Variants in RBMS3 observed in about 807,000 individuals in gnomAD.
RBMS3 encodes the protein RNA-binding motif, single-stranded-interacting protein 3.
A neutral mutation model predicts 66.8 loss-of-function variants in RBMS3; 27 were observed. That is an observed-to-expected ratio of 0.40 (90% CI 0.30 to 0.56). RBMS3 has a LOEUF of 0.56. Among genes scored for constraint, RBMS3 ranks in the 20% least tolerant of loss-of-function variants. The pLI, the probability that RBMS3 is intolerant of heterozygous loss-of-function variation, is 0.40. For synonymous variants in RBMS3, 188 were observed against 183.0 expected (o/e 1.03, Z -0.22); for missense variants, 513 against 549.5 (o/e 0.93, Z 0.66).
At chr3:29,600,433 A>T (rs2048104783) in intron 4 of RBMS3, among the ~76,000 whole-genome samples, 1 of 152,044 alleles carries the variant, frequency 6.6e-6, no homozygotes, top group Admixed American at 6.6e-5. Flanking sequence ...TTATCTTTGC[A>T]CAGTCTGGCT....
At chr3:29,365,084 G>A (rs1351745897) in intron 1 of RBMS3, among the ~76,000 whole-genome samples, 1 of 152,022 alleles carries the variant, frequency 6.6e-6, no homozygotes, top group Non-Finnish European at 1.5e-5. Context: ...ATTAGGATGT[G>A]ACTACAGGTT....
At chr3:29,940,922 T>C (rs1389527409) in intron 11 of RBMS3, among the ~76,000 whole-genome samples, 1 of 151,894 alleles carries the variant, frequency 6.6e-6, no homozygotes, top group Non-Finnish European at 1.5e-5. Context: ...CTTATCACTT[T>C]ATTGTAAGCT....
chr3:29,679,034 C>T (rs2149257606), intron 4 of RBMS3, among the ~76,000 whole-genome samples: 1 of 152,236 alleles, frequency 6.6e-6, no homozygotes, highest in East Asian at 1.9e-4. Flanking sequence ...GCAAGCACTG[C>T]TCCAGATAGT....
chr3:29,777,294 A>G (rs988097679), intron 6 of RBMS3, among the ~76,000 whole-genome samples: 1 of 151,816 alleles, frequency 6.6e-6, no homozygotes, highest in Non-Finnish European at 1.5e-5. Flanking sequence ...ATCTTATCCC[A>G]CTGGATGGCA....
intron 5 of RBMS3, among the ~76,000 whole-genome samples, chr3:29,740,567 T>C (rs2054591617): frequency 6.6e-6 from 1 of 152,214 alleles, no homozygotes; most frequent in South Asian, 2.1e-4. Context: ...GTACCTGCTG[T>C]GCTTTCATGA....
intron 4 of RBMS3, among the ~76,000 whole-genome samples, chr3:29,652,869 C>G (rs1327331707): frequency 1.3e-5 from 2 of 152,106 alleles, no homozygotes; most frequent in African/African-American, 4.8e-5. Context: ...AGGCTGACCT[C>G]TGAAGTTCAA....
chr3:29,537,027 T>C (rs2045579604), intron 3 of RBMS3, among the ~76,000 whole-genome samples: 1 of 152,254 alleles, frequency 6.6e-6, no homozygotes. Context: ...CTATCATGTG[T>C]GCTTTCTTTC....
chr3:29,337,292 T>C (rs1342854264), intron 1 of RBMS3, among the ~76,000 whole-genome samples: 1 of 152,092 alleles, frequency 6.6e-6, no homozygotes, highest in Non-Finnish European at 1.5e-5. Context: ...TTTCTATATG[T>C]TACCATATAG....
chr3:29,655,564 G>A (rs1277944584), intron 4 of RBMS3, among the ~76,000 whole-genome samples: 3 of 152,186 alleles, frequency 2.0e-5, no homozygotes, highest in Admixed American at 1.3e-4. Flanking sequence ...GCGTGATGAT[G>A]CTGGTATAAA....
Position 29,566,666 on chromosome 3 carries a change from G to A in RBMS3, c.308-20448G>A, listed in dbSNP as rs79952941. On this transcript the variant is annotated intron_variant, in intron 3 of 14. Coordinates refer to ENST00000383767, the MANE Select transcript of RBMS3 (RefSeq NM_001003793.3). The stretch of plus-strand genomic sequence containing the variant: ...AAAAAAAAAAAAAATTAGGGAAAAA[G>A]AGTATACATTGTGCGATTCAATTAA... Among the ~76,000 whole-genome samples the A allele has an allele frequency of 1.3e-3, 193 of 146,998 alleles. 2 individuals carry two copies. In the East Asian group the frequency reaches 0.033, roughly 25 times the overall value.
At chr3:29,485,370 T>C (rs1207649984) in intron 2 of RBMS3, among the ~76,000 whole-genome samples, 2 of 145,178 alleles carry the variant, frequency 1.4e-5, no homozygotes, top group Non-Finnish European at 3.0e-5. Context: ...GCTACTCTTT[T>C]AAAGCATACT....
chr3:29,943,388 A>G (rs942449437), intron 11 of RBMS3, among the ~76,000 whole-genome samples: 1 of 151,872 alleles, frequency 6.6e-6, no homozygotes, highest in African/African-American at 2.4e-5. Context: ...GGCCTATGCC[A>G]TATTCCAATC....
chr3:29,445,633 T>G (rs1396496174), intron 2 of RBMS3, among the ~76,000 whole-genome samples: 3 of 152,150 alleles, frequency 2.0e-5, no homozygotes, highest in African/African-American at 7.2e-5. Flanking sequence ...ACACAGAGCA[T>G]ATCTGTGTAT....
intron 5 of RBMS3, among the ~76,000 whole-genome samples, chr3:29,743,927 G>A (rs1268043280): frequency 1.7e-4 from 20 of 120,962 alleles, no homozygotes; most frequent in Non-Finnish European, 2.7e-4. Context: ...CCCAGAGTGT[G>A]ATGTTCCCCT....
intron 1 of RBMS3, among the ~76,000 whole-genome samples, chr3:29,326,973 G>T (rs534340603): frequency 1.2e-4 from 18 of 152,160 alleles, no homozygotes; most frequent in Non-Finnish European, 2.5e-4. Context: ...CTCATGATCT[G>T]CCCGCACTGG....
intron 3 of RBMS3, among the ~76,000 whole-genome samples, chr3:29,558,866 A>G (rs2046444200): frequency 6.6e-6 from 1 of 152,188 alleles, no homozygotes; most frequent in African/African-American, 2.4e-5. Context: ...TCACACATTG[A>G]GAACCACTGA....
intron 7 of RBMS3, among the ~76,000 whole-genome samples, chr3:29,877,349 A>C (rs1366351563): frequency 6.6e-6 from 1 of 152,214 alleles, no homozygotes; most frequent in Non-Finnish European, 1.5e-5. Context: ...GGTCAGAACA[A>C]AAATAAGGGG....
intron 4 of RBMS3, among the ~76,000 whole-genome samples, chr3:29,624,349 T>G (rs1223063664): frequency 1.3e-5 from 2 of 152,238 alleles, no homozygotes; most frequent in African/African-American, 4.8e-5. Context: ...AGCAACAGTT[T>G]TTTTAAAGCT....
At chr3:29,693,212 A>T (rs1313358397) in intron 4 of RBMS3, among the ~76,000 whole-genome samples, 2 of 152,198 alleles carry the variant, frequency 1.3e-5, no homozygotes, top group African/African-American at 4.8e-5. Flanking sequence ...ACAAATACCC[A>T]TCAGAAAACA....
Sources: gnomAD v4.1 joint callset for allele counts (sites outside exome capture counted in the v4.1 genomes callset) on GRCh38, gnomAD v4.1.1 for gene constraint, MANE v1.5 for transcripts, NCBI Gene and HGNC (gene_info 2026-07-23, HGNC 2026-07-21) for gene names.